SLC44A5: variants seen among roughly 807,000 people sequenced by gnomAD.
SLC44A5 encodes solute carrier family 44 member 5, also known as choline transporter-like protein 5.
In SLC44A5, 57 loss-of-function variants were observed where a neutral mutation model predicts 101.8. The observed-to-expected ratio is 0.56, with a 90% CI of 0.45 to 0.70. The LOEUF (loss-of-function observed/expected upper bound fraction) is 0.70, where lower values mean the gene tolerates loss of function less well. SLC44A5 is among the 30% of genes least tolerant of loss of function. The pLI is 0.00. For missense variants in SLC44A5, 737 were observed against 853.1 expected (o/e 0.86, Z 1.70); for synonymous variants, 281 against 290.9 (o/e 0.97, Z 0.35).
chr1:75,521,801 T>A (rs1231365481), intron 2 of SLC44A5: 1 of 153,668 alleles, frequency 6.5e-6, no homozygotes, highest in East Asian at 1.9e-4. Flanking sequence ...CATCCTGGAC[T>A]CCTCCACATT....
intron 3 of SLC44A5, among the ~76,000 whole-genome samples, chr1:75,394,042 C>G (rs927434145): frequency 2.0e-5 from 3 of 152,124 alleles, no homozygotes; most frequent in African/African-American, 7.2e-5. Flanking sequence ...GGATCAGATA[C>G]AATTACCTAG....
chr1:75,564,378 G>T (rs910320035), intron 1 of SLC44A5, among the ~76,000 whole-genome samples: 41 of 151,994 alleles, frequency 2.7e-4, no homozygotes, highest in Admixed American at 1.4e-3. Context: ...ATCAATTTGG[G>T]TATCATGATT....
chr1:75,242,830 T>G, intron 8 of SLC44A5, 56 bp downstream of exon 8: 128 of 1,521,196 alleles, frequency 8.4e-5, no homozygotes, highest in Non-Finnish European at 1.1e-4. Context: ...ACGTTACACT[T>G]GAGATTGAAA....
intron 3 of SLC44A5, among the ~76,000 whole-genome samples, chr1:75,366,662 ATTTG>A (rs1405051261): frequency 6.6e-6 from 1 of 151,688 alleles, no homozygotes; most frequent in Non-Finnish European, 1.5e-5. Context: ...TAATGAATTT[ATTTG>A]TTTGTTTTAT....
the SLC44A5 span, among the ~76,000 whole-genome samples, chr1:75,693,619 C>T: frequency 6.6e-6 from 1 of 152,122 alleles, no homozygotes. Flanking sequence ...TTTTAAGTCA[C>T]AAGCCTGATA....
chr1:75,311,119 T>C (rs1655262587), intron 4 of SLC44A5, among the ~76,000 whole-genome samples: 1 of 151,664 alleles, frequency 6.6e-6, no homozygotes, highest in Admixed American at 6.6e-5. Flanking sequence ...ATAGCATCTT[T>C]TTTTTTTTTC....
intron 2 of SLC44A5, among the ~76,000 whole-genome samples, chr1:75,401,200 T>C (rs1327345306): frequency 6.6e-6 from 1 of 152,236 alleles, no homozygotes; most frequent in Non-Finnish European, 1.5e-5. Flanking sequence ...AGGACAACCA[T>C]GTCCAGAGGC....
chr1:75,415,666 G>C (rs1335247511), intron 2 of SLC44A5, among the ~76,000 whole-genome samples: 2 of 152,202 alleles, frequency 1.3e-5, no homozygotes, highest in East Asian at 3.9e-4. Context: ...GAACTTCCTA[G>C]AGATTTGTTG....
At chr1:75,604,197 C>T (rs1325838601) in intron 1 of SLC44A5, among the ~76,000 whole-genome samples, 2 of 151,904 alleles carry the variant, frequency 1.3e-5, no homozygotes, top group African/African-American at 4.8e-5. Flanking sequence ...CCATATCAAA[C>T]AAGGTAGGGG....
chr1:75,369,787 A>C (rs931362720), intron 3 of SLC44A5, among the ~76,000 whole-genome samples: 1 of 152,168 alleles, frequency 6.6e-6, no homozygotes, highest in Admixed American at 6.6e-5. Context: ...ATGTTAGTTA[A>C]GTTTATAAGG....
intron 3 of SLC44A5, among the ~76,000 whole-genome samples, chr1:75,347,429 A>G (rs1380876494): frequency 6.6e-6 from 1 of 152,166 alleles, no homozygotes; most frequent in African/African-American, 2.4e-5. Context: ...TAAAAACTAC[A>G]GGTGGAGTAT....
At position 75,564,043 on chromosome 1, in the gene SLC44A5, G is replaced by C. The variant is rs1047781652; in HGVS notation, c.-69-22527C>G. ...TGTATTACCCCTCTCTACATATTTA[G>C]ATGGTGACAATTCTTGCCATCAATG... On this transcript the variant is annotated intron_variant, in intron 1 of 23. Transcript: ENST00000370859. Among the ~76,000 whole-genome samples the C allele has an allele frequency of 4.6e-5, 7 of 152,270 alleles. 1 individual carries two copies. The highest frequency in any genetic ancestry group is 1.7e-4 in the African/African-American group (7 of 41,556).
At chr1:75,351,946 T>C (rs991307519) in intron 3 of SLC44A5, among the ~76,000 whole-genome samples, 8 of 150,526 alleles carry the variant, frequency 5.3e-5, no homozygotes, top group African/African-American at 7.3e-5. Flanking sequence ...AGGGATAACA[T>C]TGAATTACTA....
intron 2 of SLC44A5, among the ~76,000 whole-genome samples, chr1:75,447,167 T>A (rs1315672725): frequency 6.6e-6 from 1 of 152,172 alleles, no homozygotes; most frequent in Non-Finnish European, 1.5e-5. Context: ...ACAGCTGCCC[T>A]AATATGCTTT....
intron 20 of SLC44A5, 59 bp downstream of exon 20, chr1:75,214,546 G>T (rs941409768): frequency 7.7e-7 from 1 of 1,303,908 alleles, no homozygotes; most frequent in South Asian, 1.3e-5. Flanking sequence ...ACATGTAAAG[G>T]ATGTAATGCT....
chr1:75,535,742 G>A (rs1670961313), intron 2 of SLC44A5, among the ~76,000 whole-genome samples: 1 of 152,186 alleles, frequency 6.6e-6, no homozygotes, highest in Non-Finnish European at 1.5e-5. Flanking sequence ...CAAAAAATCA[G>A]AGATGGCTTC....
At chr1:75,431,942 T>C (rs1664638956) in intron 2 of SLC44A5, among the ~76,000 whole-genome samples, 1 of 152,160 alleles carries the variant, frequency 6.6e-6, no homozygotes, top group Non-Finnish European at 1.5e-5. Flanking sequence ...TTTCACAGTG[T>C]CGAATTTTAG....
chr1:75,594,594 T>G (rs1416936873), intron 1 of SLC44A5, among the ~76,000 whole-genome samples: 1 of 151,982 alleles, frequency 6.6e-6, no homozygotes. Context: ...AATCGTCAAG[T>G]GATATGTAAA....
rs750423424 is a variant in SLC44A5 at position 75,211,511 on chromosome 1, G to A, written c.2004C>T (p.Phe668=). 6.2e-7 allele frequency: 1 copy of A among 1,612,808 alleles called. No individual in the cohort carries two copies. The highest frequency in any genetic ancestry group is 8.5e-7 in the Non-Finnish European group (1 of 1,179,192). ...TTTCAACACACATTGCATAGACGCT[G>A]AAGAACCCATGTGCAATCAGGTAAG... ...FGSYLIAHGF[F]SVYAMCVETI... is the part of the protein sequence containing the mutation. Residue 668 remains phenylalanine, a synonymous_variant, in exon 23 of 24, where the codon TTC becomes TTT. Coordinates refer to ENST00000370859, the MANE Select transcript of SLC44A5 (RefSeq NM_001130058.2).
Sources: gnomAD v4.1 joint callset for allele counts (sites outside exome capture counted in the v4.1 genomes callset) on GRCh38, gnomAD v4.1.1 for gene constraint, MANE v1.5 for transcripts, NCBI Gene and HGNC (gene_info 2026-07-23, HGNC 2026-07-21) for gene names.